The following CEP85 variants were observed in gnomAD, a reference collection of about 807,000 sequenced individuals.
The protein encoded by CEP85 is centrosomal protein of 85 kDa.
A neutral mutation model predicts 93.7 loss-of-function variants in CEP85; 58 were observed. The ratio of observed to expected loss-of-function variants is 0.62; its 90% CI spans 0.50 to 0.77. CEP85 has a LOEUF of 0.77. Ranked by LOEUF, CEP85 falls within the 30% of genes least tolerant of loss-of-function variation. The pLI is 0.00. For missense variants in CEP85, 868 were observed against 922.0 expected (o/e 0.94, Z 0.76); for synonymous variants, 314 against 338.6 (o/e 0.93, Z 0.80).
intron 3 of CEP85, among the ~76,000 whole-genome samples, chr1:26,252,436 G>A (rs2089633594): frequency 6.6e-6 from 1 of 152,068 alleles, no homozygotes; most frequent in African/African-American, 2.4e-5. Flanking sequence ...GGAGGCTGAG[G>A]CAGGAGAATC....
chr1:26,250,387 G>A (rs2089587477), intron 3 of CEP85, among the ~76,000 whole-genome samples: 1 of 152,164 alleles, frequency 6.6e-6, no homozygotes, highest in Non-Finnish European at 1.5e-5. Context: ...AGAATCTAAT[G>A]CCTGATGATC....
At chr1:26,266,195 A>G (rs549366836) in intron 7 of CEP85, among the ~76,000 whole-genome samples, 1 of 151,598 alleles carries the variant, frequency 6.6e-6, no homozygotes, top group Non-Finnish European at 1.5e-5. Flanking sequence ...GGCAACAAGA[A>G]TGAAACTCCA....
intron 9 of CEP85, among the ~76,000 whole-genome samples, chr1:26,270,278 T>C (rs974064278): frequency 1.3e-5 from 2 of 152,170 alleles, no homozygotes; most frequent in African/African-American, 4.8e-5. Context: ...CTGAGAGTTA[T>C]CCACAGTTCG....
At chr1:26,251,333 C>T (rs188991795) in intron 3 of CEP85, among the ~76,000 whole-genome samples, 3 of 146,680 alleles carry the variant, frequency 2.0e-5, no homozygotes, top group African/African-American at 2.5e-5. Flanking sequence ...CTCACTGCAA[C>T]GTCTGCCTCC....
chr1:26,272,618 T>C (rs900482782), intron 11 of CEP85, among the ~76,000 whole-genome samples: 4 of 94,846 alleles, frequency 4.2e-5, no homozygotes, highest in African/African-American at 2.1e-4. Flanking sequence ...TATTACAGCA[T>C]TTTTTTTTTT....
chr1:26,243,207 A>G (rs1236297100), intron 2 of CEP85, among the ~76,000 whole-genome samples: 1 of 147,036 alleles, frequency 6.8e-6, no homozygotes, highest in African/African-American at 2.5e-5. Flanking sequence ...ATCTTTGCTC[A>G]CTGCAACCTC....
Position 26,274,983 on chromosome 1 carries a change from C to T in CEP85, c.1814C>T (p.Ala605Val). The T allele has an allele frequency of 6.3e-7, 1 of 1,576,424 alleles. No homozygotes were observed. Among genetic ancestry groups the T allele is most frequent in the Non-Finnish European group, 8.6e-7 (1 of 1,160,962 alleles). Residue 605 changes from alanine (A) to valine (V), a missense_variant, in exon 12 of 14, where the codon GCT (alanine) becomes GTT (valine). Coordinates refer to ENST00000451429, the MANE Select transcript of CEP85 (RefSeq NM_001319944.2). Reference sequence around the variant, plus strand: ...ATTCAGAGCCTAGAGCAGGAAGTGGCTCAAGAAGAAGGAACAAGCCAGGCC... The same window carrying T: ...ATTCAGAGCCTAGAGCAGGAAGTGGTTCAAGAAGAAGGAACAAGCCAGGCC... ...SQVQSLEQEV[A>V]QEEGTSQALR...
intron 3 of CEP85, among the ~76,000 whole-genome samples, chr1:26,249,600 C>T (rs988767738): frequency 6.6e-6 from 1 of 152,162 alleles, no homozygotes; most frequent in Non-Finnish European, 1.5e-5. Flanking sequence ...GCTTTCAGCT[C>T]TTTGCAAAAG....
chr1:26,271,966 T>G (rs2124610325), intron 10 of CEP85, 55 bp from the exon 11 acceptor site: 1 of 1,550,264 alleles, frequency 6.5e-7, no homozygotes, highest in East Asian at 2.2e-5. Flanking sequence ...CCTTGCCCTC[T>G]GTCCTCACCG....
intron 2 of CEP85, among the ~76,000 whole-genome samples, chr1:26,240,829 C>G (rs1389802033): frequency 6.6e-6 from 1 of 151,272 alleles, no homozygotes; most frequent in Non-Finnish European, 1.5e-5. Flanking sequence ...ACACGGGAAG[C>G]AGAGGTTGAG....
At chr1:26,263,738 T>A (rs944382958) in intron 7 of CEP85, among the ~76,000 whole-genome samples, 3 of 152,106 alleles carry the variant, frequency 2.0e-5, no homozygotes, top group Non-Finnish European at 2.9e-5. Context: ...CACAATTGTG[T>A]ATCTATCTTG....
chr1:26,267,993 A>G (rs1347128711), intron 7 of CEP85, among the ~76,000 whole-genome samples: 1 of 152,234 alleles, frequency 6.6e-6, no homozygotes, highest in Admixed American at 6.5e-5. Flanking sequence ...GTATTTTACA[A>G]CAGAAATGCT....
intron 8 of CEP85, among the ~76,000 whole-genome samples, chr1:26,268,989 A>C (rs945553360): frequency 2.0e-5 from 3 of 152,092 alleles, no homozygotes; most frequent in African/African-American, 7.2e-5. Flanking sequence ...TCAGTAGTTC[A>C]CATCTGTTCC....
intron 3 of CEP85, 193 bp from the exon 4 acceptor site, chr1:26,254,978 C>T (rs2089673245): frequency 3.1e-6 from 2 of 635,650 alleles, no homozygotes; most frequent in South Asian, 4.0e-5. Context: ...GTTAGTTTAC[C>T]TTGTGAATGG....
chr1:26,263,364 G>T, intron 7 of CEP85: 1 of 247,736 alleles, frequency 4.0e-6, no homozygotes, highest in Non-Finnish European at 8.1e-6. Context: ...CTGCGGCATG[G>T]CTGTCAAGAT....
In CEP85 at chr1:26,255,300, C is replaced by T. The variant is rs745332316; in HGVS notation, c.338C>T (p.Pro113Leu). The T allele has an allele frequency of 3.1e-6, 5 of 1,614,016 alleles. No individual in the cohort carries two copies. The highest frequency in any genetic ancestry group is 4.2e-6 in the Non-Finnish European group (5 of 1,180,028). ...AAGCCAAATTCTACACCTGTTGGAC[C>T]CTCTTCCTCTAAACTCCCTTTGTCA... ...PAKPNSTPVG[P>L]SSSKLPLSGL... is the part of the protein sequence containing the mutation. Residue 113 changes from proline (P) to leucine (L), a missense_variant, in exon 4 of 14, where the codon CCC becomes CTC. By Grantham distance (98) the Pro-to-Leu change is moderately conservative (BLOSUM62 -3). Transcript: ENST00000451429.
At chr1:26,276,818 C>T (rs1045314759) in intron 13 of CEP85, 58 bp downstream of exon 13, 9 of 1,308,734 alleles carry the variant, frequency 6.9e-6, no homozygotes, top group Non-Finnish European at 9.7e-6. Context: ...CTCTTCTCTC[C>T]CCCATCCTGC....
At chr1:26,255,911 T>G in intron 4 of CEP85, 46 bp downstream of exon 4, 1 of 1,469,318 alleles carries the variant, frequency 6.8e-7, no homozygotes, top group East Asian at 2.3e-5. Flanking sequence ...TGTACAGTTC[T>G]TAGAATTGTA....
intron 7 of CEP85, among the ~76,000 whole-genome samples, chr1:26,260,518 C>A (rs1057481350): frequency 6.6e-6 from 1 of 150,480 alleles, no homozygotes; most frequent in Non-Finnish European, 1.5e-5. Context: ...AAAAAAAATT[C>A]CATGTGCACA....
Sources: allele counts gnomAD v4.1 joint callset (sites outside exome capture counted in the v4.1 genomes callset), GRCh38; gene constraint gnomAD v4.1.1; transcripts MANE v1.5; gene names NCBI Gene and HGNC (gene_info 2026-07-23, HGNC 2026-07-21).